The following NGLY1 variants were observed in gnomAD, a reference collection of about 807,000 sequenced individuals.
NGLY1 encodes N-glycanase 1.
NGLY1 carries 68 observed loss-of-function variants against 84.6 expected under a neutral mutation model. The ratio of observed to expected loss-of-function variants is 0.80; its 90% CI spans 0.66 to 0.98. The LOEUF is 0.98. Among genes scored for constraint, NGLY1 ranks in the 50% least tolerant of loss-of-function variants. The pLI is 0.00. For synonymous variants in NGLY1, 280 were observed against 275.2 expected, an observed-to-expected ratio of 1.02 and a Z score of -0.17; for missense variants, 779 against 770.2, an observed-to-expected ratio of 1.01 and a Z score of -0.14.
chr3:25,753,596 T>C (rs765348991), intron 3 of NGLY1, among the ~76,000 whole-genome samples: 2 of 152,050 alleles, frequency 1.3e-5, no homozygotes, highest in Non-Finnish European at 1.5e-5. Context: ...TCTTGTCTTA[T>C]GGGAAGATGT....
At chr3:25,743,418 C>T (rs568677810) in intron 4 of NGLY1, among the ~76,000 whole-genome samples, 23 of 152,316 alleles carry the variant, frequency 1.5e-4, no homozygotes, top group African/African-American at 5.5e-4. Context: ...CTCACTCCCA[C>T]CTCAGGAGGC....
chr3:25,734,101 C>CT, intron 7 of NGLY1, 119 bp from the exon 8 acceptor site: 1 of 1,396,848 alleles, frequency 7.2e-7, no homozygotes, highest in Admixed American at 2.1e-5. Context: ...AAGTCTCGCT[C>CT]TGTTGTCCAG....
chr3:25,773,391 C>G (rs1054225692), intron 2 of NGLY1, among the ~76,000 whole-genome samples: 2 of 152,110 alleles, frequency 1.3e-5, no homozygotes, highest in Non-Finnish European at 2.9e-5. Context: ...CTCTGAAGTT[C>G]TCTTCTACTT....
intron 10 of NGLY1, among the ~76,000 whole-genome samples, chr3:25,728,544 T>C (rs1287877880): frequency 6.6e-6 from 1 of 152,180 alleles, no homozygotes; most frequent in Non-Finnish European, 1.5e-5. Flanking sequence ...TTGTTACTGA[T>C]AGCATGTGAC....
intron 3 of NGLY1, 72 bp downstream of exon 3, chr3:25,763,994 A>T: frequency 6.4e-7 from 1 of 1,557,274 alleles, no homozygotes; most frequent in Admixed American, 1.8e-5. Flanking sequence ...ATAAATCATA[A>T]CACATTCCAA....
chr3:25,759,161 A>G (rs1315632949), intron 3 of NGLY1, among the ~76,000 whole-genome samples: 1 of 152,160 alleles, frequency 6.6e-6, no homozygotes, highest in Non-Finnish European at 1.5e-5. Context: ...ACAGGGAGAG[A>G]GGAGCAACTG....
At chr3:25,740,576 T>C (rs1203488650) in intron 4 of NGLY1, among the ~76,000 whole-genome samples, 2 of 152,112 alleles carry the variant, frequency 1.3e-5, no homozygotes, top group Non-Finnish European at 2.9e-5. Flanking sequence ...AGGACATATA[T>C]AGCATAATGA....
At chr3:25,766,637 A>T (rs1311204606) in intron 2 of NGLY1, among the ~76,000 whole-genome samples, 1 of 152,186 alleles carries the variant, frequency 6.6e-6, no homozygotes, top group Non-Finnish European at 1.5e-5. Context: ...TCTTATATCT[A>T]GGAGGAGGCC....
intron 3 of NGLY1, 127 bp downstream of exon 3, chr3:25,763,939 A>T: frequency 8.1e-7 from 1 of 1,231,282 alleles, no homozygotes; most frequent in Non-Finnish European, 1.1e-6. Flanking sequence ...TGGATGTTTT[A>T]GAGTTATAAG....
At chr3:25,732,524 G>A (rs745483470) in intron 8 of NGLY1, 41 bp from the exon 9 acceptor site, 1 of 1,514,176 alleles carries the variant, frequency 6.6e-7, no homozygotes. Context: ...AAGATTAGGG[G>A]AATGTATAGG....
intron 5 of NGLY1, among the ~76,000 whole-genome samples, chr3:25,737,729 A>G (rs1431260826): frequency 6.6e-6 from 1 of 152,006 alleles, no homozygotes; most frequent in East Asian, 1.9e-4. Flanking sequence ...TATTTTCAGT[A>G]GAGACGGGGT....
chr3:25,760,735 C>T (rs1707274170), intron 3 of NGLY1, among the ~76,000 whole-genome samples: 1 of 151,900 alleles, frequency 6.6e-6, no homozygotes, highest in African/African-American at 2.4e-5. Context: ...TGGCACATGC[C>T]TGTAATCCCA....
intron 4 of NGLY1, among the ~76,000 whole-genome samples, chr3:25,743,728 A>G (rs955027821): frequency 6.6e-6 from 1 of 152,210 alleles, no homozygotes; most frequent in Non-Finnish European, 1.5e-5. Flanking sequence ...ATTACTTAGA[A>G]TTGTAATTGT....
At chr3:25,719,920 A>T in intron 11 of NGLY1, 94 bp downstream of exon 11, 1 of 1,065,806 alleles carries the variant, frequency 9.4e-7, no homozygotes, top group Non-Finnish European at 1.3e-6. Flanking sequence ...AATAACTCTT[A>T]GGTACGAAAA....
intron 3 of NGLY1, 29 bp from the exon 4 acceptor site, chr3:25,751,292 A>G: frequency 6.7e-7 from 1 of 1,487,266 alleles, no homozygotes; most frequent in South Asian, 1.4e-5. Flanking sequence ...ACTGAAATTA[A>G]CTTTTCACCA....
chr3:25,778,433 A>G (rs1212801866), intron 2 of NGLY1, 141 bp downstream of exon 2: 1 of 471,440 alleles, frequency 2.1e-6, no homozygotes, highest in Non-Finnish European at 3.9e-6. Context: ...TAAATGTCCA[A>G]TCAATGAAGA....
At chr3:25,755,521 C>T in intron 3 of NGLY1, 9 of 1,434,452 alleles carry the variant, frequency 6.3e-6, no homozygotes, top group Non-Finnish European at 8.9e-6. Context: ...CCAGTTCCTG[C>T]AATAACTGCA....
At chr3:25,771,467 G>A (rs1707887448) in intron 2 of NGLY1, among the ~76,000 whole-genome samples, 1 of 152,162 alleles carries the variant, frequency 6.6e-6, no homozygotes, top group Non-Finnish European at 1.5e-5. Context: ...TTGAGGTCAA[G>A]TAATGTGATT....
At chr3:25,726,434 AGGTATAT>A (rs1705266218) in intron 10 of NGLY1, among the ~76,000 whole-genome samples, 1 of 152,194 alleles carries the variant, frequency 6.6e-6, no homozygotes, top group South Asian at 2.1e-4. Context: ...CATGAAAGAG[AGGTATAT>A]GGTACAATGA....
Sources: allele counts gnomAD v4.1 joint callset (sites outside exome capture counted in the v4.1 genomes callset), GRCh38; gene constraint gnomAD v4.1.1; transcripts MANE v1.5; gene names NCBI Gene and HGNC (gene_info 2026-07-23, HGNC 2026-07-21).